STX8: variants seen among roughly 807,000 people sequenced by gnomAD.
STX8 encodes the protein syntaxin 8, also known as syntaxin-8.
Under a neutral mutation model 37.5 loss-of-function variants are expected in STX8, and 23 were observed. The observed-to-expected ratio is 0.61, with a 90% confidence interval of 0.44 to 0.87. STX8 has a LOEUF of 0.87. Ranked by LOEUF, STX8 falls within the 40% of genes least tolerant of loss-of-function variation. The probability of loss-of-function intolerance (pLI) is 0.00; values close to 1 mark genes in which losing one functional copy is unlikely to be tolerated. For synonymous variants in STX8, 115 were observed against 99.1 expected, an observed-to-expected ratio of 1.16 and a Z score of -0.95; for missense variants, 313 against 284.7, an observed-to-expected ratio of 1.10 and a Z score of -0.71.
intron 4 of STX8, among the ~76,000 whole-genome samples, chr17:9,532,388 T>C (rs575085712): frequency 6.6e-6 from 1 of 152,212 alleles, no homozygotes; most frequent in Non-Finnish European, 1.5e-5. Context: ...TATTATATTA[T>C]AATTCCTGTT....
chr17:9,260,960 TG>T (rs1186482283), intron 7 of STX8, among the ~76,000 whole-genome samples: 8 of 151,794 alleles, frequency 5.3e-5, no homozygotes, highest in Non-Finnish European at 8.8e-5. Context: ...GAGAGACATC[TG>T]GGGGCCAGAG....
intron 6 of STX8, among the ~76,000 whole-genome samples, chr17:9,381,189 A>G (rs1365765631): frequency 1.3e-5 from 2 of 151,550 alleles, no homozygotes; most frequent in African/African-American, 2.4e-5. Context: ...ACCTAACAAC[A>G]CATTTCTCAG....
chr17:9,274,678 A>T (rs1025222438), intron 7 of STX8, among the ~76,000 whole-genome samples: 33 of 106,704 alleles, frequency 3.1e-4, no homozygotes, highest in South Asian at 1.8e-3. Context: ...TCTGTCTCAA[A>T]AATAATAATA....
chr17:9,556,796 C>A (rs12453278), intron 3 of STX8: 9 of 19,282 alleles, frequency 4.7e-4, no homozygotes, highest in Admixed American at 1.9e-3. Context: ...TATATATATA[C>A]ACATACATAT....
intron 7 of STX8, among the ~76,000 whole-genome samples, chr17:9,268,986 G>C (rs1049036844): frequency 1.3e-5 from 2 of 152,172 alleles, no homozygotes; most frequent in African/African-American, 2.4e-5. Flanking sequence ...AGCAGATCGA[G>C]ACCATCCTGG....
intron 6 of STX8, among the ~76,000 whole-genome samples, chr17:9,458,990 C>T (rs1401366384): frequency 1.3e-5 from 2 of 151,936 alleles, no homozygotes; most frequent in Non-Finnish European, 2.9e-5. Context: ...CCACCACGCC[C>T]GGCTAATGCT....
At chr17:9,303,184 A>T (rs939453884) in intron 7 of STX8, among the ~76,000 whole-genome samples, 2 of 152,026 alleles carry the variant, frequency 1.3e-5, no homozygotes, top group African/African-American at 4.8e-5. Context: ...CCAGCTACTC[A>T]GGAGGCTGAG....
chr17:9,350,518 G>GT (rs376385278), intron 7 of STX8, among the ~76,000 whole-genome samples: 4,635 of 145,310 alleles, frequency 0.032, 142 homozygotes, highest in African/African-American at 0.081. Flanking sequence ...ACACTAAAGT[G>GT]TTTTTTTTTT....
chr17:9,287,863 G>C (rs1212018887), intron 7 of STX8, among the ~76,000 whole-genome samples: 2 of 151,806 alleles, frequency 1.3e-5, no homozygotes, highest in Admixed American at 1.3e-4. Flanking sequence ...TGACTGTCCT[G>C]CCTCAGCCTC....
intron 5 of STX8, among the ~76,000 whole-genome samples, chr17:9,494,333 G>A (rs1906998879): frequency 6.7e-6 from 1 of 149,512 alleles, no homozygotes; most frequent in South Asian, 2.2e-4. Flanking sequence ...ATGTTCTTAA[G>A]TAAAAAAGCA....
chr17:9,422,071 C>T (rs1316488399), intron 6 of STX8, among the ~76,000 whole-genome samples: 4 of 151,768 alleles, frequency 2.6e-5, no homozygotes, highest in Non-Finnish European at 5.9e-5. Context: ...AATCAAACCC[C>T]TTTTCTTTAT....
At chr17:9,478,279 G>T (rs1906178921) in intron 6 of STX8, among the ~76,000 whole-genome samples, 1 of 152,128 alleles carries the variant, frequency 6.6e-6, no homozygotes, top group African/African-American at 2.4e-5. Flanking sequence ...GGGATTACAG[G>T]CGTGCACCAT....
chr17:9,397,392 G>A (rs533441575), intron 6 of STX8, among the ~76,000 whole-genome samples: 2 of 152,160 alleles, frequency 1.3e-5, no homozygotes, highest in Admixed American at 6.5e-5. Context: ...GCAAGACTCC[G>A]TGTTGAAAAA....
At chr17:9,478,726 C>T (rs1344860801) in intron 6 of STX8, among the ~76,000 whole-genome samples, 4 of 152,162 alleles carry the variant, frequency 2.6e-5, no homozygotes, top group Admixed American at 1.3e-4. Flanking sequence ...TGCTGTTTTC[C>T]AGCCACATTA....
At chr17:9,515,839 T>C (rs949307605) in intron 4 of STX8, among the ~76,000 whole-genome samples, 1 of 152,206 alleles carries the variant, frequency 6.6e-6, no homozygotes, top group African/African-American at 2.4e-5. Context: ...CCTTACTTTA[T>C]GCCATTGGCA....
rs1408933242 is a variant in STX8, at chr17:9,250,526, G to A, written c.*52C>T. ...GGTTTTGCGTACCAAAAGGGTGTTG[G>A]GCTTGCATCTGTCATTGGCAGGTGT... On this transcript the variant is annotated 3_prime_UTR_variant, in exon 8 of 8. Coordinates refer to ENST00000306357, the MANE Select transcript of STX8 (RefSeq NM_004853.3). 2 of 1,501,860 alleles carry A rather than the reference G, an allele frequency of 1.3e-6. No individual in the cohort carries two copies. The highest frequency in any genetic ancestry group is 1.8e-6 in the Non-Finnish European group (2 of 1,098,382). The allele number at this position is 1,501,860 out of a possible 1,614,324, so 93.0% of individuals were successfully genotyped here.
At chr17:9,341,640 T>A (rs575177407) in intron 7 of STX8, among the ~76,000 whole-genome samples, 1 of 152,272 alleles carries the variant, frequency 6.6e-6, no homozygotes, top group African/African-American at 2.4e-5. Flanking sequence ...TTTCACCATG[T>A]AGGCCAGGCT....
intron 6 of STX8, among the ~76,000 whole-genome samples, chr17:9,419,720 T>G (rs1417015421): frequency 6.6e-6 from 1 of 152,164 alleles, no homozygotes; most frequent in Non-Finnish European, 1.5e-5. Context: ...CTGAGAAGAC[T>G]GTGTTTCCTG....
intron 7 of STX8, among the ~76,000 whole-genome samples, chr17:9,351,927 T>A (rs543395026): frequency 6.6e-6 from 1 of 152,022 alleles, no homozygotes; most frequent in Non-Finnish European, 1.5e-5. Context: ...CTTGGGAGGA[T>A]CACTTGAGCT....
Sources: allele counts gnomAD v4.1 joint callset (sites outside exome capture counted in the v4.1 genomes callset), GRCh38; gene constraint gnomAD v4.1.1; transcripts MANE v1.5; gene names NCBI Gene and HGNC (gene_info 2026-07-23, HGNC 2026-07-21).